Variants in SORCS1 observed in about 807,000 individuals in gnomAD.
SORCS1 encodes the protein VPS10 domain-containing receptor SorCS1.
SORCS1 carries 60 observed loss-of-function variants against 146.1 expected under a neutral mutation model. That is an observed-to-expected ratio of 0.41 (90% CI 0.33 to 0.51). The LOEUF is 0.51. SORCS1 is among the 20% of genes least tolerant of loss of function. The pLI is 0.21. For synonymous variants in SORCS1, 637 were observed against 584.0 expected, an observed-to-expected ratio of 1.09 and a Z score of -1.31; for missense variants, 1,352 against 1,487.6, an observed-to-expected ratio of 0.91 and a Z score of 1.50.
Position 106,806,660 on chromosome 10 carries a change from T to C in SORCS1, c.726+22914A>G, listed in dbSNP as rs1266295884. On this transcript the variant is annotated intron_variant, in intron 3 of 25. Transcript: ENST00000263054. Reference sequence around the variant, plus strand: ...CCTCCCGAGTAGCTGGGAGTACAGGTGCCCGCCACCTCGCCCAGCTAATTT... The same window carrying C: ...CCTCCCGAGTAGCTGGGAGTACAGGCGCCCGCCACCTCGCCCAGCTAATTT... 5.3e-5 allele frequency among the ~76,000 whole-genome samples: 8 copies of C among 150,950 alleles called. No individual in the cohort carries two copies. In the East Asian group the frequency reaches 6.0e-4, roughly 11 times the overall value.
intron 8 of SORCS1, among the ~76,000 whole-genome samples, chr10:106,705,801 T>C (rs181080882): frequency 2.7e-4 from 41 of 152,302 alleles, no homozygotes; most frequent in Middle Eastern, 3.4e-3. Flanking sequence ...TCAGCACTTC[T>C]GGAAAGACAG....
At chr10:107,049,833 T>G (rs529818120) in intron 1 of SORCS1, among the ~76,000 whole-genome samples, 1 of 152,328 alleles carries the variant, frequency 6.6e-6, no homozygotes, top group African/African-American at 2.4e-5. Flanking sequence ...TTTGGATTTT[T>G]AGGAGTAAAA....
chr10:107,165,047 G>A (rs1180691493), upstream of SORCS1, among the ~76,000 whole-genome samples: 1 of 151,890 alleles, frequency 6.6e-6, no homozygotes. This position sits in a 1 kb window ranked among gnomAD's most constrained non-coding sequence, Gnocchi z 4.0. Context: ...TCGATGTGTC[G>A]GGAGCTTCCT....
chr10:106,993,171 G>C (rs1317555470), intron 1 of SORCS1, among the ~76,000 whole-genome samples: 1 of 151,644 alleles, frequency 6.6e-6, no homozygotes, highest in Admixed American at 6.6e-5. Flanking sequence ...GTCAGGTTTA[G>C]ATACTGTATC....
intron 3 of SORCS1, among the ~76,000 whole-genome samples, chr10:106,802,900 G>T (rs1237214393): frequency 1.3e-5 from 2 of 152,148 alleles, no homozygotes; most frequent in Non-Finnish European, 2.9e-5. Flanking sequence ...CTCCCAAAAG[G>T]GATTACAGGT....
intron 1 of SORCS1, among the ~76,000 whole-genome samples, chr10:107,131,163 A>T (rs1156762543): frequency 6.6e-6 from 1 of 152,094 alleles, no homozygotes; most frequent in Non-Finnish European, 1.5e-5. Flanking sequence ...GCATTCTTGC[A>T]TTTGGGCTTC....
upstream of SORCS1, among the ~76,000 whole-genome samples, chr10:107,165,292 A>AGTGTGTGTGTGTGT (rs3982278): frequency 0.024 from 3,356 of 142,734 alleles, 55 homozygotes; most frequent in African/African-American, 0.035. This position sits in a 1 kb window ranked among gnomAD's most constrained non-coding sequence, Gnocchi z 4.0. Flanking sequence ...CTCGTGTGTG[A>AGTGTGTGTGTGTGT]GTGTGTGTGT....
At chr10:106,689,024 G>T (rs758479358) in intron 9 of SORCS1, among the ~76,000 whole-genome samples, 1 of 152,122 alleles carries the variant, frequency 6.6e-6, no homozygotes, top group Non-Finnish European at 1.5e-5. Context: ...CAGAATACAC[G>T]GAACATAAGA....
chr10:106,896,360 CAG>C (rs1334155642), intron 2 of SORCS1, among the ~76,000 whole-genome samples: 4 of 146,644 alleles, frequency 2.7e-5, no homozygotes, highest in African/African-American at 7.7e-5. Context: ...ACCCAGGAGA[CAG>C]GGGTTGCAGT....
intron 1 of SORCS1, among the ~76,000 whole-genome samples, chr10:107,062,278 T>C (rs895357518): frequency 6.6e-6 from 1 of 152,200 alleles, no homozygotes; most frequent in Admixed American, 6.5e-5. Context: ...CCTTTGATCT[T>C]CAGCATATTT....
At chr10:107,068,115 G>T (rs1004040807) in intron 1 of SORCS1, among the ~76,000 whole-genome samples, 1 of 152,094 alleles carries the variant, frequency 6.6e-6, no homozygotes, top group Non-Finnish European at 1.5e-5. Flanking sequence ...AGAGGCATGC[G>T]AATTGCTTTC....
intron 1 of SORCS1, among the ~76,000 whole-genome samples, chr10:107,014,337 A>G (rs1323267777): frequency 6.6e-6 from 1 of 151,948 alleles, no homozygotes; most frequent in East Asian, 1.9e-4. Context: ...GGAAGAAAAC[A>G]TCTTCCAGCT....
At chr10:106,926,612 T>C (rs1206113272) in intron 2 of SORCS1, among the ~76,000 whole-genome samples, 2 of 152,084 alleles carry the variant, frequency 1.3e-5, no homozygotes, top group African/African-American at 4.8e-5. Flanking sequence ...CATTTGAAAA[T>C]CTCATATCGT....
chr10:106,908,091 G>T (rs574490877), intron 2 of SORCS1, among the ~76,000 whole-genome samples: 11 of 152,086 alleles, frequency 7.2e-5, no homozygotes, highest in Admixed American at 7.2e-4. Context: ...CTCTATACAG[G>T]TCAGGACTAT....
intron 1 of SORCS1, among the ~76,000 whole-genome samples, chr10:107,045,782 T>C (rs1396811718): frequency 7.4e-6 from 1 of 134,670 alleles, no homozygotes; most frequent in Non-Finnish European, 1.6e-5. Context: ...ATATATCTTC[T>C]TTTTTTTTTT....
In SORCS1 at chr10:106,582,138, TACAC is replaced by T. The variant is rs59775337; in HGVS notation, c.3266-2668_3266-2665del. Among the ~76,000 whole-genome samples the T allele has an allele frequency of 6.0e-5, 9 of 149,254 alleles. No homozygotes were observed. In the South Asian group the frequency reaches 1.3e-3, roughly 21 times the overall value. The stretch of plus-strand genomic sequence containing the variant: ...GCATGCATGCACACACACAAACACA[TACAC>T]ACACACACACACACACATGAACCTT... On this transcript the variant is annotated intron_variant, in intron 24 of 25. Coordinates refer to ENST00000263054, the MANE Select transcript of SORCS1 (RefSeq NM_052918.5).
intron 1 of SORCS1, among the ~76,000 whole-genome samples, chr10:107,043,349 T>A (rs1959186535): frequency 6.6e-6 from 1 of 152,038 alleles, no homozygotes; most frequent in Non-Finnish European, 1.5e-5. Flanking sequence ...ACCTGCAGGT[T>A]TTATGTTGGA....
intron 1 of SORCS1, among the ~76,000 whole-genome samples, chr10:107,016,180 C>A (rs2139793866): frequency 6.6e-6 from 1 of 152,274 alleles, no homozygotes; most frequent in African/African-American, 2.4e-5. Context: ...ACATAGAACT[C>A]AGAAATTGGC....
the SORCS1 span, among the ~76,000 whole-genome samples, chr10:107,179,150 G>A: frequency 6.6e-6 from 1 of 152,046 alleles, no homozygotes; most frequent in Admixed American, 6.5e-5. Flanking sequence ...TTTGATAATA[G>A]CCATTCTAAC....
Sources: allele counts gnomAD v4.1 joint callset (sites outside exome capture counted in the v4.1 genomes callset), GRCh38; gene constraint gnomAD v4.1.1; non-coding constraint Gnocchi (gnomAD v3.1); transcripts MANE v1.5; gene names NCBI Gene and HGNC (gene_info 2026-07-23, HGNC 2026-07-21).